ZNF624: variants seen among roughly 807,000 people sequenced by gnomAD.
The protein encoded by ZNF624 is zinc finger protein 624.
In ZNF624, 43 loss-of-function variants were observed where a neutral mutation model predicts 74.7. The observed-to-expected ratio is 0.58, with a 90% CI of 0.45 to 0.74. The LOEUF (loss-of-function observed/expected upper bound fraction) is 0.74. Among genes scored for constraint, ZNF624 ranks in the 30% least tolerant of loss-of-function variants. The pLI, the probability that ZNF624 is intolerant of heterozygous loss-of-function variation, is 0.00. For missense variants in ZNF624, 820 were observed against 1,030.0 expected (o/e 0.80, Z 2.79); for synonymous variants, 331 against 341.3 (o/e 0.97, Z 0.33).
intron 5 of ZNF624, among the ~76,000 whole-genome samples, chr17:16,629,197 C>CAAAA (rs34250278): frequency 2.0e-4 from 12 of 59,496 alleles, no homozygotes; most frequent in African/African-American, 6.5e-4. Context: ...GACTCCATCT[C>CAAAA]AAAAAAAAAA....
In ZNF624 at chr17:16,622,596, C is replaced by A; in HGVS notation, c.2290G>T (p.Gly764Cys). The A allele has an allele frequency of 6.2e-7, 1 of 1,613,150 alleles. No individual in the cohort carries two copies. The highest frequency in any genetic ancestry group is 1.1e-5 in the South Asian group (1 of 91,006). ...CTCCAATGCACTGTAAGGTAAGAAC[C>A]CCTCCTGAAGGCTTTTCCACAGACA... Reference protein sequence around the residue: ...CDVCGKAFRRGSYLTVHWRTH... With the variant: ...CDVCGKAFRRCSYLTVHWRTH... Residue 764 changes from glycine to cysteine, a missense_variant, in exon 6 of 6, where the codon GGT becomes TGT. Coordinates refer to ENST00000311331, the MANE Select transcript of ZNF624 (RefSeq NM_020787.4).
intron 5 of ZNF624, 104 bp from the exon 6 acceptor site, chr17:16,624,613 G>A: frequency 1.9e-6 from 2 of 1,063,442 alleles, no homozygotes; most frequent in Non-Finnish European, 2.6e-6. Flanking sequence ...TGAATATATG[G>A]TTTTAATTGC....
chr17:16,622,561 A>T lies in ZNF624; in HGVS notation c.2325T>A (p.Thr775=), dbSNP rs1284623571. ...SYLTVHWRTH[T]GEKPYTCKEC... Reference sequence around the variant, plus strand: ...CCTTACAGGTGTAGGGTTTTTCTCCAGTGTGTGTTCTCCAATGCACTGTAA... The same window carrying T: ...CCTTACAGGTGTAGGGTTTTTCTCCTGTGTGTGTTCTCCAATGCACTGTAA... Residue 775 remains threonine (T), a synonymous_variant, in exon 6 of 6, where the codon ACT becomes ACA. Coordinates refer to ENST00000311331, the MANE Select transcript of ZNF624 (RefSeq NM_020787.4). 1 of 1,613,728 alleles carries T rather than the reference A, an allele frequency of 6.2e-7. No individual in the cohort carries two copies. Among genetic ancestry groups the T allele is most frequent in the Non-Finnish European group, 8.5e-7 (1 of 1,179,934 alleles).
intron 5 of ZNF624, among the ~76,000 whole-genome samples, chr17:16,633,394 G>A (rs1909249672): frequency 6.6e-6 from 1 of 152,144 alleles, no homozygotes; most frequent in Non-Finnish European, 1.5e-5. Flanking sequence ...GAGGTGGTGG[G>A]TTCCTCCAAA....
intron 2 of ZNF624, among the ~76,000 whole-genome samples, chr17:16,648,505 A>C (rs1012651630): frequency 2.0e-5 from 3 of 152,268 alleles, no homozygotes; most frequent in African/African-American, 4.8e-5. Flanking sequence ...ACGATTAGAC[A>C]AATATGGTTA....
intron 1 of ZNF624, among the ~76,000 whole-genome samples, chr17:16,651,029 T>C (rs1401984284): frequency 6.6e-6 from 1 of 152,102 alleles, no homozygotes; most frequent in Non-Finnish European, 1.5e-5. Flanking sequence ...CAAAGAATAT[T>C]AGAGATATAA....
chr17:16,642,038 C>G (rs75225102), intron 3 of ZNF624, among the ~76,000 whole-genome samples: 3,160 of 152,208 alleles, frequency 0.021, 102 homozygotes, highest in African/African-American at 0.072. Flanking sequence ...AATCGATGTT[C>G]AAGTATGGAA....
Position 16,623,027 on chromosome 17 carries a change from G to T in ZNF624, c.1859C>A (p.Ala620Glu). The T allele has an allele frequency of 6.2e-7, 1 of 1,613,794 alleles. No individual in the cohort carries two copies. Among genetic ancestry groups the T allele is most frequent in the African/African-American group, 1.3e-5 (1 of 75,012 alleles). Residue 620 changes from alanine to glutamate, a missense_variant, in exon 6 of 6, where the codon GCA (alanine) becomes GAA (glutamate). Coordinates refer to ENST00000311331, the MANE Select transcript of ZNF624 (RefSeq NM_020787.4). The surrounding 1 kb of genome is among the most constrained non-coding windows in gnomAD (Gnocchi z 5.3). ...CTTGAGATTTACCATTTTGGTGAATGCCCTCTCGCAGTCAGTACATTTATA... is the reference window on the plus strand; with the variant it reads ...CTTGAGATTTACCATTTTGGTGAATTCCCTCTCGCAGTCAGTACATTTATA... ...KPYKCTDCER[A>E]FTKMVNLKEH...
At chr17:16,639,512 C>G (rs1344515422) in intron 3 of ZNF624, among the ~76,000 whole-genome samples, 1 of 151,998 alleles carries the variant, frequency 6.6e-6, no homozygotes, top group Non-Finnish European at 1.5e-5. Flanking sequence ...TGAGAAGGCC[C>G]TCATCTCTCA....
intron 5 of ZNF624, among the ~76,000 whole-genome samples, chr17:16,628,995 C>G (rs945057221): frequency 6.6e-6 from 1 of 151,832 alleles, no homozygotes; most frequent in African/African-American, 2.4e-5. Flanking sequence ...GGTCAGAGTT[C>G]GAGACCAGCC....
downstream of ZNF624, chr17:16,617,270 G>C (rs1036902141): frequency 3.7e-6 from 6 of 1,613,280 alleles, no homozygotes; most frequent in African/African-American, 6.7e-5. Context: ...CTCCTACTTC[G>C]TGACCATCTT....
intron 3 of ZNF624, among the ~76,000 whole-genome samples, chr17:16,636,334 T>C (rs1909328979): frequency 6.6e-6 from 1 of 152,216 alleles, no homozygotes; most frequent in Non-Finnish European, 1.5e-5. Flanking sequence ...AAATAGTTGC[T>C]GAGGGAAGGT....
At chr17:16,638,701 G>A (rs1411358026) in intron 3 of ZNF624, among the ~76,000 whole-genome samples, 11 of 152,030 alleles carry the variant, frequency 7.2e-5, no homozygotes, top group African/African-American at 9.7e-5. Flanking sequence ...ATCACACTCC[G>A]GGGGACTGTT....
chr17:16,644,491 A>C (rs993417943), intron 3 of ZNF624, among the ~76,000 whole-genome samples: 2 of 152,222 alleles, frequency 1.3e-5, no homozygotes, highest in African/African-American at 4.8e-5. Context: ...ATAAAATTGG[A>C]AACCTAATAT....
chr17:16,620,394 TAA>T (rs933353601), downstream of ZNF624, among the ~76,000 whole-genome samples: 26 of 152,344 alleles, frequency 1.7e-4, no homozygotes, highest in African/African-American at 5.8e-4. Context: ...GCCTCTTCCA[TAA>T]AGACACCTGT....
chr17:16,617,615 A>G (rs1597488032), downstream of ZNF624: 12 of 1,596,930 alleles, frequency 7.5e-6, no homozygotes, highest in Non-Finnish European at 7.7e-6. Flanking sequence ...TGCTGTATCC[A>G]CCTCCACCAC....
downstream of ZNF624, chr17:16,617,384 C>T (rs1908811933): frequency 1.2e-6 from 2 of 1,613,446 alleles, no homozygotes; most frequent in Non-Finnish European, 8.5e-7. Context: ...TCTGTGCCAT[C>T]CAGTTTGTCC....
In ZNF624 at chr17:16,623,199, T is replaced by G; in HGVS notation, c.1687A>C (p.Lys563Gln). 6.2e-7 allele frequency: 1 copy of G among 1,613,918 alleles called. No homozygotes were observed. Among genetic ancestry groups the G allele is most frequent in the Non-Finnish European group, 8.5e-7 (1 of 1,179,906 alleles). The change falls in exon 6 of 6, where the codon AAG becomes CAG. Residue 563 changes from lysine (K) to glutamine (Q), a missense_variant. Physicochemically the swap from Lys to Gln is moderately conservative, Grantham distance 53. Transcript: ENST00000311331. This position sits in a 1 kb window ranked among gnomAD's most constrained non-coding sequence, Gnocchi z 5.3. ...EKPYKCTECG[K>Q]AFMRSSSLII... ...AGAGAAGAAGAACGCATGAAGGCCT[T>G]TCCACATTCAGTACATTTATAAGGT... is the stretch of plus-strand genomic sequence containing the variant.
Position 16,623,555 on chromosome 17 carries a change from T to G in ZNF624, c.1331A>C (p.Tyr444Ser). 6.2e-7 allele frequency: 1 copy of G among 1,610,534 alleles called. No individual in the cohort carries two copies. The highest frequency in any genetic ancestry group is 1.1e-5 in the South Asian group (1 of 90,296). ...AGACTTCCCACACTCGTTGCACTGA[T>G]ATGGTTTCTCTTCAGTGTGGGTCTT... is the stretch of plus-strand genomic sequence containing the variant. Reference protein sequence around the residue: ...HQKTHTEEKPYQCNECGKSFK... With the variant: ...HQKTHTEEKPSQCNECGKSFK... The change falls in exon 6 of 6, where the codon TAT (tyrosine) becomes TCT (serine). Residue 444 changes from tyrosine to serine, a missense_variant. By Grantham distance (144) the Tyr-to-Ser change is moderately radical. Coordinates refer to ENST00000311331, the MANE Select transcript of ZNF624 (RefSeq NM_020787.4). This position sits in a 1 kb window ranked among gnomAD's most constrained non-coding sequence, Gnocchi z 5.3.
Sources: allele counts gnomAD v4.1 joint callset (sites outside exome capture counted in the v4.1 genomes callset), GRCh38; gene constraint gnomAD v4.1.1; non-coding constraint Gnocchi (gnomAD v3.1); transcripts MANE v1.5; gene names NCBI Gene and HGNC (gene_info 2026-07-23, HGNC 2026-07-21).